The following SRSF6 variants were observed in gnomAD, a reference collection of about 807,000 sequenced individuals.
SRSF6 encodes serine/arginine-rich splicing factor 6.
Under a neutral mutation model 42.0 loss-of-function variants are expected in SRSF6, and 17 were observed. The observed-to-expected ratio is 0.40, with a 90% CI of 0.28 to 0.61. The LOEUF is 0.61. SRSF6 is among the 20% of genes least tolerant of loss of function. The pLI, the probability that SRSF6 is intolerant of heterozygous loss-of-function variation, is 0.37. For synonymous variants in SRSF6, 204 were observed against 166.7 expected, an observed-to-expected ratio of 1.22 and a Z score of -1.72; for missense variants, 379 against 471.4, an observed-to-expected ratio of 0.80 and a Z score of 1.81.
rs2017644203 is a variant in SRSF6, at chr20:43,463,843, T to A, written c.*2780T>A. The A allele has an allele frequency of 6.6e-6, 1 of 152,214 alleles. No individual in the cohort carries two copies. The highest frequency in any genetic ancestry group is 2.4e-5 in the African/African-American group (1 of 41,446). 9.4% of individuals were successfully genotyped at this position (152,214 alleles called of 1,614,324 possible). A position where few individuals can be genotyped will look rare whatever the true frequency, so the allele number is the denominator to read the frequency against. ...CTAGGGATAAAACATGCATGGGATG[T>A]GAAGATTAAAAGTCAAGAATATGAA... On this transcript the variant is annotated 3_prime_UTR_variant, in exon 6 of 6. Transcript: ENST00000244020.
rs1035876843 is a variant in SRSF6 at position 43,457,942 on chromosome 20, C to G, written c.-92C>G. On this transcript the variant is annotated 5_prime_UTR_variant, in exon 1 of 6. Coordinates refer to ENST00000244020, the MANE Select transcript of SRSF6 (RefSeq NM_006275.6). The stretch of plus-strand genomic sequence containing the variant: ...GCCCCTGTGGTGTGAGGCGCGTGTT[C>G]GGGCTCTTGCCGTCCCCGCACCCGC... 1.5e-5 allele frequency: 16 copies of G among 1,080,172 alleles called. No individual in the cohort carries two copies. Among genetic ancestry groups the G allele is most frequent in the African/African-American group, 4.8e-5 (3 of 62,368 alleles). 66.9% of individuals were successfully genotyped at this position (1,080,172 alleles called of 1,614,324 possible). A position where few individuals can be genotyped will look rare whatever the true frequency, so the allele number is the denominator to read the frequency against.
At chr20:43,460,400 A>G in intron 4 of SRSF6, 115 bp from the exon 5 acceptor site, 3 of 1,389,210 alleles carry the variant, frequency 2.2e-6, no homozygotes, top group South Asian at 1.3e-5. Flanking sequence ...TGAACAGTGT[A>G]TTTAATTTCG....
rs1328440151 is a variant in SRSF6 at position 43,458,520 on chromosome 20, C to G, written c.256+11C>G. 2 of 1,484,794 alleles carry G rather than the reference C, an allele frequency of 1.3e-6. No homozygotes were observed. The highest frequency in any genetic ancestry group is 8.9e-7 in the Non-Finnish European group (1 of 1,125,446). The allele number at this position is 1,484,794 out of a possible 1,614,324, so 92.0% of individuals were successfully genotyped here. ...GCTACGGAAGCCGCAGTGAGTCCCA[C>G]CCCCGCGCGCTCCGCGCCCTTGGGG... On this transcript the variant is annotated intron_variant, in intron 2 of 5. Coordinates refer to ENST00000244020, the MANE Select transcript of SRSF6 (RefSeq NM_006275.6).
At position 43,461,334 on chromosome 20, in the gene SRSF6, G is replaced by GTTTTTTTTTTTTTTTT. The variant is rs1196378267; in HGVS notation, c.*273_*274insTTTTTTTTTTTTTTTT. The GTTTTTTTTTTTTTTTT allele has an allele frequency of 4.1e-4, 23 of 56,470 alleles. 2 individuals carry two copies. Among genetic ancestry groups the GTTTTTTTTTTTTTTTT allele is most frequent in the African/African-American group, 1.5e-3 (21 of 13,570 alleles). The allele number at this position is 56,470 out of a possible 1,614,324, so 3.5% of individuals were successfully genotyped here. A position where few individuals can be genotyped will look rare whatever the true frequency, so the allele number is the denominator to read the frequency against. ...TTTGTAAAGATTAAGCTCATTTAGT[G>GTTTTTTTTTTTTTTTT]TTGTTTTTTTTTTTTTTTTTTTTTT... On this transcript the variant is annotated 3_prime_UTR_variant, in exon 6 of 6. Coordinates refer to ENST00000244020, the MANE Select transcript of SRSF6 (RefSeq NM_006275.6).
At chr20:43,459,332 G>A in intron 2 of SRSF6, 3 of 1,352,052 alleles carry the variant, frequency 2.2e-6, no homozygotes, top group Non-Finnish European at 2.9e-6. Flanking sequence ...GGATTCCAAG[G>A]GTTAGACAAA....
Position 43,464,151 on chromosome 20 carries a change from AGT to A in SRSF6, c.*3092_*3093del, listed in dbSNP as rs1431245396. 4 of 152,238 alleles carry A rather than the reference AGT, an allele frequency of 2.6e-5. No individual in the cohort carries two copies. The highest frequency in any genetic ancestry group is 4.8e-5 in the African/African-American group (2 of 41,470). The allele number at this position is 152,238 out of a possible 1,614,324, so 9.4% of individuals were successfully genotyped here. ...TGATAAATTTTTTTTCAGAACCAAC[AGT>A]GTGAATAATCCTTTCAGTTGTCTAT... On this transcript the variant is annotated 3_prime_UTR_variant, in exon 6 of 6. Coordinates refer to ENST00000244020, the MANE Select transcript of SRSF6 (RefSeq NM_006275.6).
intron 2 of SRSF6, 21 bp from the exon 3 acceptor site, chr20:43,459,750 T>C (rs748766018): frequency 3.1e-6 from 5 of 1,612,548 alleles, no homozygotes; most frequent in Non-Finnish European, 3.4e-6. Flanking sequence ...GGCATCTAAT[T>C]GTTCCCTTCA....
At chr20:43,459,276 C>T in intron 2 of SRSF6, 1 of 1,352,086 alleles carries the variant, frequency 7.4e-7, no homozygotes, top group Non-Finnish European at 9.8e-7. Flanking sequence ...TTACCGGAAG[C>T]CATGACGACA....
At position 43,460,921 on chromosome 20, in the gene SRSF6, A is replaced by G; in HGVS notation, c.893A>G (p.Gln298Arg). The G allele has an allele frequency of 6.2e-7, 1 of 1,614,178 alleles. No individual in the cohort carries two copies. The highest frequency in any genetic ancestry group is 8.5e-7 in the Non-Finnish European group (1 of 1,180,028). The part of the protein sequence containing the change: ...DIKSKSRSRS[Q>R]SRSNSPLPVP... ...AAGTCAAAATCCAGATCAAGGAGCCAGTCCCGTTCCAATTCGCCGCTACCT... is the reference window on the plus strand; with the variant it reads ...AAGTCAAAATCCAGATCAAGGAGCCGGTCCCGTTCCAATTCGCCGCTACCT... The change falls in exon 6 of 6, where the codon CAG becomes CGG. Residue 298 changes from glutamine (Q) to arginine (R), a missense_variant. Physicochemically the swap from Gln to Arg is conservative, Grantham distance 43. Around this residue, in one of 3 missense-constraint regions of SRSF6, gnomAD observed 219 missense variants for 216.1 expected, o/e 1.01. Coordinates refer to ENST00000244020, the MANE Select transcript of SRSF6 (RefSeq NM_006275.6).
chr20:43,460,215 G>A lies in SRSF6; in HGVS notation c.564G>A (p.Arg188=). The A allele has an allele frequency of 1.9e-6, 3 of 1,614,156 alleles. No individual in the cohort carries two copies. Among genetic ancestry groups the A allele is most frequent in the Non-Finnish European group, 2.5e-6 (3 of 1,180,014 alleles). Residue 188 remains arginine, a synonymous_variant, in exon 4 of 6, where the codon AGG becomes AGA. Transcript: ENST00000244020. ...LIEDKPRTSH[R]RSYSGSRSRS... is the part of the protein sequence containing the mutation. Reference sequence around the variant, plus strand: ...AAGATAAGCCACGCACAAGCCATAGGCGATCTTACTCTGGAAGCAGATCCA... The same window carrying A: ...AAGATAAGCCACGCACAAGCCATAGACGATCTTACTCTGGAAGCAGATCCA...
chr20:43,460,604 T>G lies in SRSF6; in HGVS notation c.674+6T>G. The G allele has an allele frequency of 1.2e-6, 2 of 1,614,108 alleles. No individual in the cohort carries two copies. The highest frequency in any genetic ancestry group is 1.7e-6 in the Non-Finnish European group (2 of 1,179,998). ...ATCTCAAAAAGTCGCTCCCGGTAAATAACGTTGTGTTGAGTCACTGTGAAT... is the reference window on the plus strand; with the variant it reads ...ATCTCAAAAAGTCGCTCCCGGTAAAGAACGTTGTGTTGAGTCACTGTGAAT... On this transcript the variant is annotated splice_donor_region_variant and intron_variant, in intron 5 of 5. Transcript: ENST00000244020.
In SRSF6 at chr20:43,461,937, C is replaced by CA. The variant is rs2017608129; in HGVS notation, c.*875dup. Reference sequence around the variant, plus strand: ...AGCATAATTAGTGTTGAGAGTGGTTCAGTTGTCTTTAATGTTTGTCATGTG... The same window carrying CA: ...AGCATAATTAGTGTTGAGAGTGGTTCAAGTTGTCTTTAATGTTTGTCATGTG... On this transcript the variant is annotated 3_prime_UTR_variant, in exon 6 of 6. Transcript: ENST00000244020. 6.6e-6 allele frequency: 1 copy of CA among 152,130 alleles called. No individual in the cohort carries two copies. The allele number at this position is 152,130 out of a possible 1,614,324, so 9.4% of individuals were successfully genotyped here.
intron 1 of SRSF6, 108 bp downstream of exon 1, chr20:43,458,248 A>G: frequency 5.6e-6 from 8 of 1,419,308 alleles, no homozygotes; most frequent in South Asian, 1.4e-5. Context: ...CAGGGCCTCA[A>G]AGATGGCGAC....
rs1196378267 is a variant in SRSF6, at chr20:43,461,334, G to GTTTTTTTTTTTTTTTTTTTTTTTTTTTT, written c.*273_*274insTTTTTTTTTTTTTTTTTTTTTTTTTTTT. On this transcript the variant is annotated 3_prime_UTR_variant, in exon 6 of 6. Transcript: ENST00000244020. Reference sequence around the variant, plus strand: ...TTTGTAAAGATTAAGCTCATTTAGTGTTGTTTTTTTTTTTTTTTTTTTTTT... The same window carrying GTTTTTTTTTTTTTTTTTTTTTTTTTTTT: ...TTTGTAAAGATTAAGCTCATTTAGTGTTTTTTTTTTTTTTTTTTTTTTTTTTTTTTGTTTTTTTTTTTTTTTTTTTTTT... The GTTTTTTTTTTTTTTTTTTTTTTTTTTTT allele has an allele frequency of 5.3e-5, 3 of 56,458 alleles. 1 individual carries two copies. The highest frequency in any genetic ancestry group is 2.2e-4 in the African/African-American group (3 of 13,540). The allele number at this position is 56,458 out of a possible 1,614,324, so 3.5% of individuals were successfully genotyped here. A position where few individuals can be genotyped will look rare whatever the true frequency, so the allele number is the denominator to read the frequency against.
chr20:43,462,280 G>A lies in SRSF6; in HGVS notation c.*1217G>A, dbSNP rs2017615579. The A allele has an allele frequency of 6.6e-6, 1 of 152,200 alleles. No individual in the cohort carries two copies. Among genetic ancestry groups the A allele is most frequent in the African/African-American group, 2.4e-5 (1 of 41,452 alleles). 9.4% of individuals were successfully genotyped at this position (152,200 alleles called of 1,614,324 possible). Reference sequence around the variant, plus strand: ...ACTGTGGAAACCAAATTTGAATACTGCAAATTTGTAGGAGTTACTAGGTTA... The same window carrying A: ...ACTGTGGAAACCAAATTTGAATACTACAAATTTGTAGGAGTTACTAGGTTA... On this transcript the variant is annotated 3_prime_UTR_variant, in exon 6 of 6. Coordinates refer to ENST00000244020, the MANE Select transcript of SRSF6 (RefSeq NM_006275.6).
At position 43,463,300 on chromosome 20, in the gene SRSF6, G is replaced by C. The variant is rs2017635996; in HGVS notation, c.*2237G>C. ...TCACTGTGTAACATTGGCTCACTTG[G>C]TGAGCATAGGGTTGACTGATAAAAT... is the stretch of plus-strand genomic sequence containing the variant. On this transcript the variant is annotated 3_prime_UTR_variant, in exon 6 of 6. Transcript: ENST00000244020. 1 of 154,850 alleles carries C rather than the reference G, an allele frequency of 6.5e-6. No homozygotes were observed. The highest frequency in any genetic ancestry group is 2.4e-5 in the African/African-American group (1 of 41,536). The allele number at this position is 154,850 out of a possible 1,614,324, so 9.6% of individuals were successfully genotyped here.
Position 43,458,522 on chromosome 20 carries a change from C to A in SRSF6, c.256+13C>A. The A allele has an allele frequency of 6.7e-7, 1 of 1,484,028 alleles. No individual in the cohort carries two copies. Among genetic ancestry groups the A allele is most frequent in the Non-Finnish European group, 8.9e-7 (1 of 1,125,242 alleles). 91.9% of individuals were successfully genotyped at this position (1,484,028 alleles called of 1,614,324 possible). A position where few individuals can be genotyped will look rare whatever the true frequency, so the allele number is the denominator to read the frequency against. On this transcript the variant is annotated intron_variant, in intron 2 of 5. Coordinates refer to ENST00000244020, the MANE Select transcript of SRSF6 (RefSeq NM_006275.6). ...TACGGAAGCCGCAGTGAGTCCCACC[C>A]CCGCGCGCTCCGCGCCCTTGGGGAC...
At position 43,458,472 on chromosome 20, in the gene SRSF6, G is replaced by T; in HGVS notation, c.219G>T (p.Pro73=). The change falls in exon 2 of 6, where the codon CCG becomes CCT. Residue 73 remains proline (P), a synonymous_variant. Transcript: ENST00000244020. ...TGATCGTAGAGCACGCCCGGGGCCCGCGTCGCGATCGCGACGGCTACAGCT... is the reference window on the plus strand; with the variant it reads ...TGATCGTAGAGCACGCCCGGGGCCCTCGTCGCGATCGCGACGGCTACAGCT... ...ERVIVEHARG[P]RRDRDGYSYG... is the part of the protein sequence containing the mutation. 1 of 1,515,548 alleles carries T rather than the reference G, an allele frequency of 6.6e-7. No homozygotes were observed. The allele number at this position is 1,515,548 out of a possible 1,614,324, so 93.9% of individuals were successfully genotyped here. A position where few individuals can be genotyped will look rare whatever the true frequency, so the allele number is the denominator to read the frequency against.
rs897232686 is a variant in SRSF6, at chr20:43,463,171, A to G, written c.*2108A>G. 1 of 154,412 alleles carries G rather than the reference A, an allele frequency of 6.5e-6. No homozygotes were observed. The highest frequency in any genetic ancestry group is 1.5e-5 in the Non-Finnish European group (1 of 68,216). The allele number at this position is 154,412 out of a possible 1,614,324, so 9.6% of individuals were successfully genotyped here. On this transcript the variant is annotated 3_prime_UTR_variant, in exon 6 of 6. Transcript: ENST00000244020. ...TGCCACAGTAAGCAGGTCATTGTAT[A>G]GGTAAATGCCTGCACCCATAATTTT...
Sources: allele counts gnomAD v4.1 joint callset, GRCh38; gene constraint gnomAD v4.1.1; regional missense constraint gnomAD v4.1.1; transcripts MANE v1.5; gene names NCBI Gene and HGNC (gene_info 2026-07-23, HGNC 2026-07-21).